Variants in NLGN4X observed in about 807,000 individuals in gnomAD.
NLGN4X encodes neuroligin 4 X-linked, also known as neuroligin-4, X-linked.
NLGN4X carries 3 observed loss-of-function variants against 40.3 expected under a neutral mutation model. That is an observed-to-expected ratio of 0.07 (90% confidence interval 0.03 to 0.19). The LOEUF (loss-of-function observed/expected upper bound fraction) is 0.19. NLGN4X is among the 10% of genes least tolerant of loss of function. The probability of loss-of-function intolerance (pLI) is 1.00; values close to 1 mark genes in which losing one functional copy is unlikely to be tolerated. For synonymous variants in NLGN4X, 270 were observed against 306.8 expected (o/e 0.88, Z 1.25); for missense variants, 382 against 708.3 (o/e 0.54, Z 5.23).
At chrX:5,934,121 T>G (rs2033654391) in intron 3 of NLGN4X, among the ~76,000 whole-genome samples, 1 of 111,756 alleles carries the variant, frequency 8.9e-6, no homozygotes, top group South Asian at 3.7e-4. Context: ...TTCTTTAGAT[T>G]CCACATATAA....
At chrX:5,957,279 G>A (rs1182229753) in intron 3 of NLGN4X, among the ~76,000 whole-genome samples, 2 of 110,931 alleles carry the variant, frequency 1.8e-5, no homozygotes, top group East Asian at 2.8e-4. Context: ...TCCTTTCCCC[G>A]ACTGCTTTAT....
intron 1 of NLGN4X, among the ~76,000 whole-genome samples, chrX:6,219,739 T>C (rs1179618431): frequency 1.8e-5 from 2 of 110,180 alleles, no homozygotes; most frequent in Non-Finnish European, 3.8e-5. Context: ...CCTTAAAGTA[T>C]TAAAGAGAAA....
At chrX:5,937,534 C>T (rs1198997838) in intron 3 of NLGN4X, among the ~76,000 whole-genome samples, 1 of 111,685 alleles carries the variant, frequency 9.0e-6, no homozygotes, top group East Asian at 2.8e-4. Flanking sequence ...ACTTCCAGAG[C>T]GACTAAAGTT....
chrX:6,077,708 C>A (rs767216823), intron 2 of NLGN4X, among the ~76,000 whole-genome samples: 108 of 111,537 alleles, frequency 9.7e-4, no homozygotes, highest in African/African-American at 3.3e-3. Context: ...AATCTGCCTT[C>A]CTCCTATTTC....
chrX:6,050,691 C>A (rs1281556495), intron 2 of NLGN4X, among the ~76,000 whole-genome samples: 1 of 111,419 alleles, frequency 9.0e-6, no homozygotes, highest in Non-Finnish European at 1.9e-5. Flanking sequence ...ATCTATTTAT[C>A]TATCTATTCT....
chrX:6,158,225 C>T (rs887033893), intron 1 of NLGN4X, among the ~76,000 whole-genome samples: 35 of 111,757 alleles, frequency 3.1e-4, no homozygotes, highest in African/African-American at 1.1e-3. Context: ...TATGTGCCAC[C>T]ATGCCTGTAG....
At chrX:6,078,678 A>G (rs1224014524) in intron 2 of NLGN4X, among the ~76,000 whole-genome samples, 7 of 108,673 alleles carry the variant, frequency 6.4e-5, no homozygotes. Context: ...TTAAACTACA[A>G]TACTGATAAC....
intron 1 of NLGN4X, among the ~76,000 whole-genome samples, chrX:6,156,458 A>G (rs12012231): frequency 0.26 from 28,368 of 110,852 alleles, 2,696 homozygotes; most frequent in Admixed American, 0.29. Flanking sequence ...GCAGTGAGCC[A>G]AGATCGCGCC....
In NLGN4X at chrX:6,219,593, TTCCTTCCCTC is replaced by T. The variant is rs1285983828; in HGVS notation, c.-306+8938_-306+8947del. ...CTTTCTTCCTTCCTTCCTTCCTTCT[TTCCTTCCCTC>T]CCTTCCTCCCTTCGTTCCTCCATCC... On this transcript the variant is annotated intron_variant, in intron 1 of 5. Transcript: ENST00000381095. Among the ~76,000 whole-genome samples the T allele has an allele frequency of 3.2e-3, 340 of 104,702 alleles. 1 individual carries two copies. Among genetic ancestry groups the T allele is most frequent in the Admixed American group, 6.5e-3 (61 of 9,450 alleles). 90.9% of individuals were successfully genotyped at this position (104,702 alleles called of 115,157 possible). A position where few individuals can be genotyped will look rare whatever the true frequency, so the allele number is the denominator to read the frequency against.
intron 2 of NLGN4X, among the ~76,000 whole-genome samples, chrX:6,132,868 G>A (rs1401312337): frequency 1.8e-5 from 2 of 110,905 alleles, no homozygotes; most frequent in Non-Finnish European, 3.8e-5. Context: ...GAGTGATGAG[G>A]GGATGGTGTG....
intron 1 of NLGN4X, among the ~76,000 whole-genome samples, chrX:6,204,984 A>G (rs185293449): frequency 8.9e-6 from 1 of 111,930 alleles, no homozygotes; most frequent in East Asian, 2.8e-4. Context: ...TCTTACCATT[A>G]CAACACATCG....
chrX:6,058,573 T>C (rs935097393), intron 2 of NLGN4X, among the ~76,000 whole-genome samples: 1 of 112,203 alleles, frequency 8.9e-6, no homozygotes, highest in Non-Finnish European at 1.9e-5. Context: ...GGGAACATTA[T>C]GTCTTTTTAG....
At position 6,032,838 on chromosome X, in the gene NLGN4X, C is replaced by G. The variant is rs996040450; in HGVS notation, c.473-3406G>C. On this transcript the variant is annotated intron_variant, in intron 2 of 5. Coordinates refer to ENST00000381095, the MANE Select transcript of NLGN4X (RefSeq NM_181332.3). Reference sequence around the variant, plus strand: ...AAAAAATTCAGAAAAGAGAGAGATGCTACCCAGAAAAAGAAAAAAAGAAAA... The same window carrying G: ...AAAAAATTCAGAAAAGAGAGAGATGGTACCCAGAAAAAGAAAAAAAGAAAA... The G allele has an allele frequency of 5.7e-6, 3 of 523,863 alleles. No individual in the cohort carries two copies. The Admixed American group carries it at 1.3e-4, about 23-fold the overall frequency. The allele number at this position is 523,863 out of a possible 1,213,427, so 43.2% of individuals were successfully genotyped here. A position where few individuals can be genotyped will look rare whatever the true frequency, so the allele number is the denominator to read the frequency against.
At chrX:6,148,479 A>G (rs1018570678) in intron 2 of NLGN4X, among the ~76,000 whole-genome samples, 3 of 111,624 alleles carry the variant, frequency 2.7e-5, no homozygotes, top group Non-Finnish European at 1.9e-5. Context: ...GTGAATAATT[A>G]ATAATTAAAC....
chrX:6,005,262 G>A (rs2036074560), intron 3 of NLGN4X, among the ~76,000 whole-genome samples: 1 of 112,170 alleles, frequency 8.9e-6, no homozygotes, highest in Middle Eastern at 4.2e-3. Flanking sequence ...CTGCATTGTG[G>A]AAGTAAAATG....
At chrX:6,018,073 T>C (rs1206565224) in intron 3 of NLGN4X, among the ~76,000 whole-genome samples, 2 of 111,108 alleles carry the variant, frequency 1.8e-5, no homozygotes, top group African/African-American at 3.3e-5. Flanking sequence ...TATAGACACA[T>C]ATATATACAC....
chrX:6,032,405 CAAAAA>C (rs34229775), intron 2 of NLGN4X, among the ~76,000 whole-genome samples: 1 of 65,672 alleles, frequency 1.5e-5, no homozygotes, highest in African/African-American at 5.3e-5. Context: ...GCGACCAAGC[CAAAAA>C]AAAAAAAAAA....
At chrX:6,113,715 G>C (rs1407590010) in intron 2 of NLGN4X, among the ~76,000 whole-genome samples, 1 of 107,583 alleles carries the variant, frequency 9.3e-6, no homozygotes, top group Non-Finnish European at 1.9e-5. Context: ...AAAAATGCAC[G>C]ATACACAAAT....
intron 3 of NLGN4X, among the ~76,000 whole-genome samples, chrX:5,925,881 CATATATATATATATAT>C (rs55860509): frequency 4.0e-3 from 79 of 19,512 alleles, no homozygotes; most frequent in Middle Eastern, 0.045. Context: ...TACATACACA[CATATATATATATATAT>C]ATATATATAT....
Sources: gnomAD v4.1 joint callset for allele counts (sites outside exome capture counted in the v4.1 genomes callset) on GRCh38, gnomAD v4.1.1 for gene constraint, MANE v1.5 for transcripts, NCBI Gene and HGNC (gene_info 2026-07-23, HGNC 2026-07-21) for gene names.